The following VEPH1 variants were observed in gnomAD, a reference collection of about 807,000 sequenced individuals.
VEPH1 encodes ventricular zone expressed PH domain containing 1, also known as ventricular zone-expressed PH domain-containing protein homolog 1.
In VEPH1, 80 loss-of-function variants were observed where a neutral mutation model predicts 85.2. The observed-to-expected ratio is 0.94, with a 90% CI of 0.78 to 1.13. The LOEUF (loss-of-function observed/expected upper bound fraction) is 1.13, where lower values mean the gene tolerates loss of function less well. VEPH1 is among the 50% of genes most tolerant of loss of function. The probability of loss-of-function intolerance (pLI) is 0.00; values close to 1 mark genes in which losing one functional copy is unlikely to be tolerated. For missense variants in VEPH1, 955 were observed against 980.5 expected, an observed-to-expected ratio of 0.97 and a Z score of 0.35; for synonymous variants, 297 against 348.0, an observed-to-expected ratio of 0.85 and a Z score of 1.63.
chr3:157,498,348 A>G (rs1221558630), intron 1 of VEPH1, among the ~76,000 whole-genome samples: 2 of 152,224 alleles, frequency 1.3e-5, no homozygotes, highest in Admixed American at 6.5e-5. Flanking sequence ...TGAGGGTCAC[A>G]GGTGATAAAG....
At chr3:157,278,019 A>G (rs1490843994) in intron 12 of VEPH1, among the ~76,000 whole-genome samples, 3 of 152,210 alleles carry the variant, frequency 2.0e-5, no homozygotes, top group African/African-American at 7.2e-5. Context: ...TTATTGGTAC[A>G]TATTTATTGA....
At chr3:157,439,990 T>C (rs1173599853) in intron 4 of VEPH1, among the ~76,000 whole-genome samples, 1 of 152,182 alleles carries the variant, frequency 6.6e-6, no homozygotes, top group East Asian at 1.9e-4. Flanking sequence ...GACCTTGTGA[T>C]CCACCCGCCT....
intron 2 of VEPH1, among the ~76,000 whole-genome samples, chr3:157,476,164 C>G (rs1322612530): frequency 2.0e-5 from 3 of 152,166 alleles, no homozygotes; most frequent in Non-Finnish European, 4.4e-5. Context: ...CCACCACTGC[C>G]TTGATGTAAA....
rs139576442 is a variant in VEPH1 at position 157,363,340 on chromosome 3, G to A, written c.1735+24C>T. The A allele has an allele frequency of 4.1e-3, 6,397 of 1,546,500 alleles. 43 individuals carry two copies. Among genetic ancestry groups the A allele is most frequent in the Middle Eastern group, 0.019 (111 of 5,748 alleles). ...TGCAGTGACTCCTGAAGTTTCTCAG[G>A]TTTGGGAAGTACACAACACTTACCT... is the stretch of plus-strand genomic sequence containing the variant. On this transcript the variant is annotated intron_variant, in intron 9 of 13. Coordinates refer to ENST00000362010, the MANE Select transcript of VEPH1 (RefSeq NM_001167912.2).
intron 9 of VEPH1, among the ~76,000 whole-genome samples, chr3:157,362,556 A>C (rs1043913501): frequency 6.6e-6 from 1 of 151,982 alleles, no homozygotes; most frequent in Middle Eastern, 3.2e-3. Context: ...CCATTTTTTG[A>C]CTTTACAATG....
At chr3:157,392,787 G>A (rs1239639675) in intron 6 of VEPH1, among the ~76,000 whole-genome samples, 1 of 152,200 alleles carries the variant, frequency 6.6e-6, no homozygotes, top group Non-Finnish European at 1.5e-5. Flanking sequence ...TAACCACTTT[G>A]AGCCTAAGCT....
intron 11 of VEPH1, 22 bp from the exon 12 acceptor site, chr3:157,286,696 C>T: frequency 1.3e-6 from 2 of 1,592,290 alleles, no homozygotes; most frequent in Non-Finnish European, 8.6e-7. Flanking sequence ...ACACAAAGCA[C>T]AAAGAACATA....
At chr3:157,392,567 A>G (rs770033277) in intron 6 of VEPH1, among the ~76,000 whole-genome samples, 3 of 152,112 alleles carry the variant, frequency 2.0e-5, no homozygotes, top group South Asian at 4.1e-4. Context: ...AAGAAGAAGA[A>G]TTGTCTTGGG....
At chr3:157,390,654 C>G (rs1183107330) in intron 6 of VEPH1, among the ~76,000 whole-genome samples, 1 of 152,288 alleles carries the variant, frequency 6.6e-6, no homozygotes, top group Non-Finnish European at 1.5e-5. Context: ...TGGGACTCCA[C>G]CAGAATCATG....
Position 157,488,605 on chromosome 3 carries a change from T to C in VEPH1, c.138+6607A>G, listed in dbSNP as rs987609343. The stretch of plus-strand genomic sequence containing the variant: ...AGTACTGGACTCAGTCTTTGGACTT[T>C]TTACTTTCTGTCTGCACTCACTCCC... On this transcript the variant is annotated intron_variant, in intron 2 of 13. Transcript: ENST00000362010. 4.6e-5 allele frequency among the ~76,000 whole-genome samples: 7 copies of C among 151,934 alleles called. No homozygotes were observed. In the South Asian group the frequency reaches 8.3e-4, roughly 18 times the overall value.
In VEPH1 at chr3:157,414,069, A is replaced by G. The variant is rs150762349; in HGVS notation, c.718T>C (p.Phe240Leu). 35 of 1,611,986 alleles carry G rather than the reference A, an allele frequency of 2.2e-5. No individual in the cohort carries two copies. The African/African-American group carries it at 4.3e-4, about 20-fold the overall frequency. Residue 240 changes from phenylalanine to leucine, a missense_variant, in exon 6 of 14, where the codon TTC becomes CTC. Transcript: ENST00000362010. ...QLEVVQKCIP[F>L]LIGHLKDSTH... is the part of the protein sequence containing the mutation. ...GAATCCTTCAAATGCCCAATTAGGA[A>G]AGGAATACACTTCTGAACTACCTAT... is the stretch of plus-strand genomic sequence containing the variant.
At chr3:157,363,336 T>A in intron 9 of VEPH1, 28 bp downstream of exon 9, 12 of 1,524,066 alleles carry the variant, frequency 7.9e-6, no homozygotes, top group Non-Finnish European at 9.7e-6. Context: ...CTGAAGTTTC[T>A]CAGGTTTGGG....
chr3:157,398,996 T>G (rs1222211984), intron 6 of VEPH1, among the ~76,000 whole-genome samples: 2 of 152,156 alleles, frequency 1.3e-5, no homozygotes, highest in Non-Finnish European at 2.9e-5. Flanking sequence ...CATCATAGAT[T>G]GTGAGACTTC....
At chr3:157,305,036 A>ATATCTATC (rs10530716) in intron 11 of VEPH1, among the ~76,000 whole-genome samples, 7,558 of 139,486 alleles carry the variant, frequency 0.054, 341 homozygotes, top group African/African-American at 0.12. Context: ...GTGTATTGTT[A>ATATCTATC]TATCTATCTA....
intron 8 of VEPH1, 148 bp from the exon 9 acceptor site, chr3:157,363,909 T>A: frequency 1.1e-6 from 1 of 948,120 alleles, no homozygotes. Context: ...CACCAATAAA[T>A]GATGTAATAA....
At chr3:157,481,713 T>A (rs1738116053) in intron 2 of VEPH1, among the ~76,000 whole-genome samples, 1 of 152,214 alleles carries the variant, frequency 6.6e-6, no homozygotes, top group South Asian at 2.1e-4. Flanking sequence ...TCCTAGATTA[T>A]CTTTGAGGAT....
chr3:157,478,556 C>T (rs182246774), intron 2 of VEPH1, among the ~76,000 whole-genome samples: 1 of 152,142 alleles, frequency 6.6e-6, no homozygotes, highest in Non-Finnish European at 1.5e-5. Context: ...AAATACATGA[C>T]AGTCATCTGT....
At chr3:157,486,224 A>T (rs1738628308) in intron 2 of VEPH1, among the ~76,000 whole-genome samples, 1 of 152,026 alleles carries the variant, frequency 6.6e-6, no homozygotes, top group Non-Finnish European at 1.5e-5. Flanking sequence ...TAGGCCAGAC[A>T]CGGTGGCTTA....
intron 11 of VEPH1, among the ~76,000 whole-genome samples, chr3:157,290,182 T>C (rs1717315459): frequency 6.6e-6 from 1 of 152,118 alleles, no homozygotes; most frequent in Non-Finnish European, 1.5e-5. Flanking sequence ...GCTTTTAGGA[T>C]CTTAAAGGAG....
Sources: gnomAD v4.1 joint callset for allele counts (sites outside exome capture counted in the v4.1 genomes callset) on GRCh38, gnomAD v4.1.1 for gene constraint, MANE v1.5 for transcripts, NCBI Gene and HGNC (gene_info 2026-07-23, HGNC 2026-07-21) for gene names.